The following RASGRP1 variants were observed in gnomAD, a reference collection of about 807,000 sequenced individuals.
RASGRP1 encodes the protein RAS guanyl releasing protein 1.
In RASGRP1, 37 loss-of-function variants were observed where a neutral mutation model predicts 95.1. The observed-to-expected ratio is 0.39, with a 90% CI of 0.30 to 0.51. RASGRP1 has a LOEUF of 0.51. RASGRP1 is among the 20% of genes least tolerant of loss of function. The probability of loss-of-function intolerance (pLI) is 0.80; values close to 1 mark genes in which losing one functional copy is unlikely to be tolerated. For missense variants in RASGRP1, 711 were observed against 965.4 expected, an observed-to-expected ratio of 0.74 and a Z score of 3.49; for synonymous variants, 325 against 353.4, an observed-to-expected ratio of 0.92 and a Z score of 0.90.
At chr15:38,526,526 G>T in intron 2 of RASGRP1, 122 bp from the exon 3 acceptor site, 1 of 666,764 alleles carries the variant, frequency 1.5e-6, no homozygotes, top group Admixed American at 2.5e-5. Context: ...TTCTTCCACT[G>T]CCCCTAGCAC....
At chr15:38,503,874 G>A (rs1019265084) in intron 10 of RASGRP1, 1 of 187,910 alleles carries the variant, frequency 5.3e-6, no homozygotes, top group Non-Finnish European at 1.1e-5. Flanking sequence ...AATGTGTCAT[G>A]AGGTGATTTT....
intron 10 of RASGRP1, chr15:38,505,030 T>C (rs1891197199): frequency 6.6e-6 from 1 of 152,230 alleles, no homozygotes; most frequent in Non-Finnish European, 1.5e-5. Context: ...AAATGGAATC[T>C]ACCAAATATT....
Position 38,545,175 on chromosome 15 carries a change from GTCT to G in RASGRP1, c.220+14643_220+14645del, listed in dbSNP as rs141832254. Among the ~76,000 whole-genome samples the G allele has an allele frequency of 3.1e-3, 476 of 152,250 alleles. 1 individual carries two copies. The highest frequency in any genetic ancestry group is 0.011 in the African/African-American group (455 of 41,556). On this transcript the variant is annotated intron_variant, in intron 2 of 16. Coordinates refer to ENST00000310803, the MANE Select transcript of RASGRP1 (RefSeq NM_005739.4). ...AACAAAGGGGAAAACCCACTTATTT[GTCT>G]TCTTTTCAGGTTCTGCCATCTTATA...
rs544065972 is a variant in RASGRP1 at position 38,511,760 on chromosome 15, A to G, written c.850-40T>C. The G allele has an allele frequency of 2.0e-6, 3 of 1,495,228 alleles. No individual in the cohort carries two copies. The East Asian group carries it at 6.8e-5, about 34-fold the overall frequency. The allele number at this position is 1,495,228 out of a possible 1,614,324, so 92.6% of individuals were successfully genotyped here. A position where few individuals can be genotyped will look rare whatever the true frequency, so the allele number is the denominator to read the frequency against. ...ACAGATGACAGCAGAGTCACTGTAC[A>G]TGTCAGTTATATGGGGAGCTTAGAG... On this transcript the variant is annotated intron_variant, in intron 7 of 16. Coordinates refer to ENST00000310803, the MANE Select transcript of RASGRP1 (RefSeq NM_005739.4).
chr15:38,563,947 C>T (rs1893916210), intron 1 of RASGRP1, among the ~76,000 whole-genome samples: 1 of 152,226 alleles, frequency 6.6e-6, no homozygotes, highest in Admixed American at 6.5e-5. Flanking sequence ...TGGCTACAAA[C>T]TCAAAGCTGC....
At chr15:38,560,047 T>TCCA in intron 1 of RASGRP1, 42 bp from the exon 2 acceptor site, 1 of 1,513,758 alleles carries the variant, frequency 6.6e-7, no homozygotes, top group Non-Finnish European at 9.1e-7. Context: ...AACGGGCAGC[T>TCCA]CCACGCTCTG....
At chr15:38,539,005 C>T (rs139662519) in intron 2 of RASGRP1, among the ~76,000 whole-genome samples, 14 of 152,138 alleles carry the variant, frequency 9.2e-5, no homozygotes, top group Non-Finnish European at 1.8e-4. Flanking sequence ...TCTCCTCACA[C>T]GTTGCCTCAT....
intron 3 of RASGRP1, among the ~76,000 whole-genome samples, chr15:38,523,041 G>A (rs1892060672): frequency 6.6e-6 from 1 of 152,146 alleles, no homozygotes; most frequent in Non-Finnish European, 1.5e-5. Context: ...GCAGAGACCA[G>A]ATAAGAGTCA....
At chr15:38,555,103 G>A (rs1218991992) in intron 2 of RASGRP1, among the ~76,000 whole-genome samples, 1 of 152,218 alleles carries the variant, frequency 6.6e-6, no homozygotes, top group Non-Finnish European at 1.5e-5. Flanking sequence ...GTTACGGAGA[G>A]GGCTATGGCC....
chr15:38,529,182 C>T (rs542567773), intron 2 of RASGRP1, among the ~76,000 whole-genome samples: 2 of 152,182 alleles, frequency 1.3e-5, no homozygotes, highest in Non-Finnish European at 2.9e-5. Flanking sequence ...CTCTTGTCCA[C>T]CTACAATCTA....
At chr15:38,501,375 C>T in intron 12 of RASGRP1, 88 bp from the exon 13 acceptor site, 1 of 1,471,878 alleles carries the variant, frequency 6.8e-7, no homozygotes, top group Non-Finnish European at 9.5e-7. Context: ...AGAAACTCAC[C>T]TTTCTTTTTA....
At chr15:38,554,495 G>A (rs996283231) in intron 2 of RASGRP1, among the ~76,000 whole-genome samples, 5 of 152,132 alleles carry the variant, frequency 3.3e-5, no homozygotes, top group Non-Finnish European at 7.3e-5. Flanking sequence ...CATTGCCTCT[G>A]TTCTCTACAG....
At chr15:38,517,767 T>C (rs1014611748) in intron 5 of RASGRP1, among the ~76,000 whole-genome samples, 1 of 152,194 alleles carries the variant, frequency 6.6e-6, no homozygotes, top group Non-Finnish European at 1.5e-5. Flanking sequence ...GGAAAGGCAC[T>C]CATTTTCCCA....
Position 38,505,847 on chromosome 15 carries a change from C to G in RASGRP1, c.1316G>C (p.Arg439Thr). The part of the protein sequence containing the change: ...LSYAREPRNH[R>T]APPLTPSKPP... ...TTAATATGAAAAACTCACTGGAGCTCTGTGGTTCCTTGGTTCCCGGGCATA... is the reference window on the plus strand; with the variant it reads ...TTAATATGAAAAACTCACTGGAGCTGTGTGGTTCCTTGGTTCCCGGGCATA... Residue 439 changes from arginine to threonine, a missense_variant, in exon 10 of 17, where the codon AGA (arginine) becomes ACA (threonine). Arg to Thr is a moderately conservative substitution (Grantham distance 71). This residue lies in a region of RASGRP1 where 491 missense variants were observed against 676.6 expected (regional missense o/e 0.73). Coordinates refer to ENST00000310803, the MANE Select transcript of RASGRP1 (RefSeq NM_005739.4). The G allele has an allele frequency of 1.9e-6, 3 of 1,607,170 alleles. No homozygotes were observed. The highest frequency in any genetic ancestry group is 2.6e-6 in the Non-Finnish European group (3 of 1,174,484).
intron 2 of RASGRP1, among the ~76,000 whole-genome samples, chr15:38,527,874 G>A (rs879680717): frequency 5.3e-5 from 8 of 152,182 alleles, no homozygotes; most frequent in East Asian, 3.9e-4. Flanking sequence ...TGGGAGGATC[G>A]CTTGAGGTCA....
chr15:38,532,202 G>A (rs1892467917), intron 2 of RASGRP1, among the ~76,000 whole-genome samples: 1 of 152,154 alleles, frequency 6.6e-6, no homozygotes, highest in South Asian at 2.1e-4. Flanking sequence ...AATGCAGGGT[G>A]TCATACTAAA....
rs534479554 is a variant in RASGRP1, at chr15:38,509,406, T to C, written c.967-1405A>G. 3.9e-5 allele frequency among the ~76,000 whole-genome samples: 6 copies of C among 152,308 alleles called. No homozygotes were observed. In the South Asian group the frequency reaches 8.3e-4, roughly 21 times the overall value. On this transcript the variant is annotated intron_variant, in intron 8 of 16. Transcript: ENST00000310803. ...AATGGGATGGCTTAAGATTTCATCA[T>C]GCTACTCAGCACAGCATGCATTTTA...
rs569313774 is a variant in RASGRP1 at position 38,535,276 on chromosome 15, G to A, written c.221-8872C>T. Among the ~76,000 whole-genome samples the A allele has an allele frequency of 2.0e-5, 3 of 152,198 alleles. No individual in the cohort carries two copies. In the South Asian group the frequency reaches 6.2e-4, roughly 32 times the overall value. Reference sequence around the variant, plus strand: ...TCCTCGGGGCTTAGGAGGCAGGTAGGAATATACTTGGAAGAGCTCTACCAT... The same window carrying A: ...TCCTCGGGGCTTAGGAGGCAGGTAGAAATATACTTGGAAGAGCTCTACCAT... On this transcript the variant is annotated intron_variant, in intron 2 of 16. Transcript: ENST00000310803.
rs1890473886 is a variant in RASGRP1, at chr15:38,489,222, AC to A, written c.*1331del. On this transcript the variant is annotated 3_prime_UTR_variant, in exon 17 of 17. Coordinates refer to ENST00000310803, the MANE Select transcript of RASGRP1 (RefSeq NM_005739.4). ...GACTTTATAGGCATGGAAGCTAAGT[AC>A]CCCCAAAAAGGAAAATGATCATATG... is the stretch of plus-strand genomic sequence containing the variant. 2.6e-5 allele frequency: 4 copies of A among 151,612 alleles called. No individual in the cohort carries two copies. Among genetic ancestry groups the A allele is most frequent in the Non-Finnish European group, 1.5e-5 (1 of 67,804 alleles). The allele number at this position is 151,612 out of a possible 1,614,324, so 9.4% of individuals were successfully genotyped here.
Sources: gnomAD v4.1 joint callset for allele counts (sites outside exome capture counted in the v4.1 genomes callset) on GRCh38, gnomAD v4.1.1 for gene constraint, gnomAD v4.1.1 regional missense constraint, MANE v1.5 for transcripts, NCBI Gene and HGNC (gene_info 2026-07-23, HGNC 2026-07-21) for gene names.